GRID1: variants seen among roughly 807,000 people sequenced by gnomAD.
GRID1 encodes the protein glutamate ionotropic receptor delta type subunit 1.
In GRID1, 28 loss-of-function variants were observed where a neutral mutation model predicts 98.0. That is an observed-to-expected ratio of 0.29 (90% CI 0.21 to 0.39). The LOEUF is 0.39. Ranked by LOEUF, GRID1 falls within the 10% of genes least tolerant of loss-of-function variation. The pLI is 1.00. For synonymous variants in GRID1, 553 were observed against 538.5 expected, an observed-to-expected ratio of 1.03 and a Z score of -0.37; for missense variants, 1,111 against 1,340.5, an observed-to-expected ratio of 0.83 and a Z score of 2.67.
chr10:85,769,197 TG>T (rs1842228773), intron 8 of GRID1, among the ~76,000 whole-genome samples: 1 of 152,214 alleles, frequency 6.6e-6, no homozygotes, highest in African/African-American at 2.4e-5. Flanking sequence ...AATAAAATCA[TG>T]TCCTTTGCAG....
rs752500334 is a variant in GRID1, at chr10:86,249,533, C to T, written c.236-42885G>A. Among the ~76,000 whole-genome samples the T allele has an allele frequency of 3.3e-5, 5 of 152,274 alleles. No individual in the cohort carries two copies. In the East Asian group the frequency reaches 9.6e-4, roughly 29 times the overall value. On this transcript the variant is annotated intron_variant, in intron 2 of 15. Coordinates refer to ENST00000327946, the MANE Select transcript of GRID1 (RefSeq NM_017551.3). ...GCATCCCCTTTGAGGGTCTTGACTACCACCCAAGCTCCTCTCCTACCACAC... is the reference window on the plus strand; with the variant it reads ...GCATCCCCTTTGAGGGTCTTGACTATCACCCAAGCTCCTCTCCTACCACAC...
chr10:86,178,571 C>T (rs1845610476), intron 3 of GRID1, among the ~76,000 whole-genome samples: 2 of 152,178 alleles, frequency 1.3e-5, no homozygotes, highest in South Asian at 4.1e-4. Context: ...ACAAGAGAGC[C>T]CATGCGCCAC....
chr10:85,856,134 C>T lies in GRID1; in HGVS notation c.1008G>A (p.Arg336=), dbSNP rs780855534. 3 of 1,614,028 alleles carry T rather than the reference C, an allele frequency of 1.9e-6. No homozygotes were observed. The highest frequency in any genetic ancestry group is 1.7e-5 in the Admixed American group (1 of 60,012). The change falls in exon 7 of 16, where the codon AGG becomes AGA. Residue 336 remains arginine (R), a synonymous_variant. Transcript: ENST00000327946. ...SVLMLANAFH[R]KLEDRKWHSM... ...TATGCCACTTCCGGTCCTCCAGCTT[C>T]CTGTGAAAGGCGTTGGCCAGCATCA...
chr10:86,327,524 T>G (rs1404045089), intron 2 of GRID1, among the ~76,000 whole-genome samples: 2 of 152,234 alleles, frequency 1.3e-5, no homozygotes, highest in Non-Finnish European at 2.9e-5. Flanking sequence ...TTTCGGAAGT[T>G]TTATCACTGA....
At chr10:86,356,239 T>C (rs968687347) in intron 2 of GRID1, among the ~76,000 whole-genome samples, 2 of 152,148 alleles carry the variant, frequency 1.3e-5, no homozygotes, top group Admixed American at 6.5e-5. Context: ...CACAGTGGGG[T>C]ATCAATGGGA....
At chr10:85,987,822 A>G (rs1406975086) in intron 4 of GRID1, among the ~76,000 whole-genome samples, 1 of 151,672 alleles carries the variant, frequency 6.6e-6, no homozygotes, top group African/African-American at 2.4e-5. Flanking sequence ...GGGGTCCCCC[A>G]GCAACACCAT....
chr10:86,201,831 G>GA (rs201723192), intron 3 of GRID1, among the ~76,000 whole-genome samples: 3,982 of 151,036 alleles, frequency 0.026, 60 homozygotes, highest in Middle Eastern at 0.044. Flanking sequence ...CACATAAAAA[G>GA]AAAAAAAAAC....
At chr10:85,813,872 A>G (rs1038095047) in intron 8 of GRID1, among the ~76,000 whole-genome samples, 8 of 151,872 alleles carry the variant, frequency 5.3e-5, no homozygotes, top group Non-Finnish European at 1.0e-4. Flanking sequence ...GGAGAGTTAT[A>G]GGGACCTCCA....
rs1157490540 is a variant in GRID1 at position 85,758,274 on chromosome 10, G to C, written c.1234-28660C>G. Among the ~76,000 whole-genome samples the C allele has an allele frequency of 3.9e-5, 6 of 152,114 alleles. No individual in the cohort carries two copies. The East Asian group carries it at 1.2e-3, about 29-fold the overall frequency. On this transcript the variant is annotated intron_variant, in intron 8 of 15. Coordinates refer to ENST00000327946, the MANE Select transcript of GRID1 (RefSeq NM_017551.3). ...CTTACAACAACAATCACTTTCACTT[G>C]TTTTATTTATTTGCTCACTCTTTTG...
At chr10:86,357,831 T>C (rs1024798321) in intron 2 of GRID1, among the ~76,000 whole-genome samples, 31 of 152,150 alleles carry the variant, frequency 2.0e-4, no homozygotes, top group African/African-American at 7.5e-4. Flanking sequence ...CTGTTATCAC[T>C]GGCAGTAGCC....
At chr10:85,878,765 T>A (rs1840947246) in intron 5 of GRID1, among the ~76,000 whole-genome samples, 1 of 151,826 alleles carries the variant, frequency 6.6e-6, no homozygotes. Context: ...AATTCACACA[T>A]AACAATATTA....
At chr10:85,898,635 G>C (rs1473616265) in intron 5 of GRID1, among the ~76,000 whole-genome samples, 3 of 151,626 alleles carry the variant, frequency 2.0e-5, no homozygotes, top group Non-Finnish European at 4.4e-5. Context: ...AAGACACTTA[G>C]GCCTACACAG....
chr10:85,999,637 A>T (rs893399266), intron 4 of GRID1, among the ~76,000 whole-genome samples: 4 of 152,250 alleles, frequency 2.6e-5, no homozygotes, highest in African/African-American at 9.6e-5. Flanking sequence ...TGTTGGATTT[A>T]TCTAAGAAAT....
At chr10:85,725,519 G>A (rs930007903) in intron 10 of GRID1, among the ~76,000 whole-genome samples, 3 of 152,194 alleles carry the variant, frequency 2.0e-5, no homozygotes, top group South Asian at 2.1e-4. Flanking sequence ...AGTTTGGGGC[G>A]ATTACGGGTT....
At chr10:86,109,881 A>T (rs972973972) in intron 4 of GRID1, among the ~76,000 whole-genome samples, 2 of 152,074 alleles carry the variant, frequency 1.3e-5, no homozygotes, top group Admixed American at 1.3e-4. Context: ...CAGTGTCCTC[A>T]GTTACAGCAC....
intron 2 of GRID1, among the ~76,000 whole-genome samples, chr10:86,238,668 C>CA (rs931719950): frequency 0.092 from 4,232 of 45,766 alleles, 177 homozygotes; most frequent in Middle Eastern, 0.17. Flanking sequence ...GATTCCATCT[C>CA]AAAAAAAAAA....
At chr10:86,264,969 G>T (rs148206531) in intron 2 of GRID1, among the ~76,000 whole-genome samples, 57 of 152,324 alleles carry the variant, frequency 3.7e-4, no homozygotes, top group African/African-American at 1.3e-3. Context: ...GCCTGGATCA[G>T]CCAAGCAGGA....
rs192642605 is a variant in GRID1 at position 85,846,881 on chromosome 10, G to A, written c.1233+7615C>T. 2.6e-5 allele frequency among the ~76,000 whole-genome samples: 4 copies of A among 152,264 alleles called. No individual in the cohort carries two copies. The East Asian group carries it at 7.7e-4, about 29-fold the overall frequency. ...GAAATAAAGTTTCCAAGATACAAAA[G>A]TAATATCTCCAAAACCAGCAGCTAG... is the stretch of plus-strand genomic sequence containing the variant. On this transcript the variant is annotated intron_variant, in intron 8 of 15. Transcript: ENST00000327946.
intron 3 of GRID1, among the ~76,000 whole-genome samples, chr10:86,149,737 T>C (rs1345097210): frequency 6.6e-6 from 1 of 152,230 alleles, no homozygotes; most frequent in Non-Finnish European, 1.5e-5. Context: ...ATTTTACACA[T>C]GTTATGATGA....
Sources: allele counts gnomAD v4.1 joint callset (sites outside exome capture counted in the v4.1 genomes callset), GRCh38; gene constraint gnomAD v4.1.1; transcripts MANE v1.5; gene names NCBI Gene and HGNC (gene_info 2026-07-23, HGNC 2026-07-21).